MSTO1: variants seen among roughly 807,000 people sequenced by gnomAD.
MSTO1 encodes the protein protein misato homolog 1.
MSTO1 carries 24 observed loss-of-function variants against 55.7 expected under a neutral mutation model. The ratio of observed to expected loss-of-function variants is 0.43; its 90% confidence interval spans 0.31 to 0.61. The LOEUF (loss-of-function observed/expected upper bound fraction) is 0.61, where lower values mean the gene tolerates loss of function less well. Ranked by LOEUF, MSTO1 falls within the 20% of genes least tolerant of loss-of-function variation. MSTO1 has a pLI of 0.09. For missense variants in MSTO1, 363 were observed against 625.7 expected (o/e 0.58, Z 4.48); for synonymous variants, 162 against 252.8 (o/e 0.64, Z 3.41).
chr1:155,575,214 CAA>C, the MSTO1 span, among the ~76,000 whole-genome samples: 1 of 142,166 alleles, frequency 7.0e-6, no homozygotes. Flanking sequence ...CTTTGACCCT[CAA>C]AAAAAAAAAG....
At chr1:155,564,527 A>G in the MSTO1 span, among the ~76,000 whole-genome samples, 5 of 152,102 alleles carry the variant, frequency 3.3e-5, no homozygotes, top group South Asian at 2.1e-4. Context: ...AGCCCTTGCA[A>G]CCTCCAAAAT....
the MSTO1 span, among the ~76,000 whole-genome samples, chr1:155,577,220 C>T: frequency 6.6e-6 from 1 of 151,354 alleles, no homozygotes; most frequent in Non-Finnish European, 1.5e-5. Context: ...TCCGGAGTAG[C>T]TGGGACTACA....
the MSTO1 span, chr1:155,563,390 C>T: frequency 6.6e-6 from 3 of 456,556 alleles, no homozygotes; most frequent in Admixed American, 2.3e-5. Context: ...GACTCCGGAC[C>T]TCCAGGAGGT....
At chr1:155,594,965 C>T in the MSTO1 span, among the ~76,000 whole-genome samples, 2 of 151,924 alleles carry the variant, frequency 1.3e-5, no homozygotes, top group African/African-American at 4.8e-5. Flanking sequence ...GGCGAAACCC[C>T]GTCCCTACTA....
At chr1:155,602,119 C>T in the MSTO1 span, 1 of 710,288 alleles carries the variant, frequency 1.4e-6, no homozygotes, top group Non-Finnish European at 2.7e-6. Flanking sequence ...AGTCCAACTA[C>T]AACAAACAGC....
chr1:155,597,450 C>T, the MSTO1 span, among the ~76,000 whole-genome samples: 5 of 151,496 alleles, frequency 3.3e-5, no homozygotes, highest in African/African-American at 7.3e-5. Flanking sequence ...GCCTGGGCAA[C>T]AAGAGGGAAA....
intron 9 of MSTO1, 35 bp from the exon 10 acceptor site, chr1:155,612,809 T>A (rs3863761): frequency 3.1e-6 from 5 of 1,611,632 alleles, no homozygotes; most frequent in Non-Finnish European, 4.2e-6. Context: ...TTTCCAGGCC[T>A]GAGGCCAAGT....
chr1:155,609,982 G>C (rs975375916), upstream of MSTO1: 6 of 489,478 alleles, frequency 1.2e-5, no homozygotes, highest in African/African-American at 1.2e-4. Flanking sequence ...GGCGGAGACG[G>C]CGCCCACCCC....
the MSTO1 span, among the ~76,000 whole-genome samples, chr1:155,593,476 T>G: frequency 6.6e-6 from 1 of 152,222 alleles, no homozygotes; most frequent in African/African-American, 2.4e-5. Flanking sequence ...CACCATCTAC[T>G]AACTCTGTGA....
At chr1:155,583,222 CTTTT>C in the MSTO1 span, among the ~76,000 whole-genome samples, 1 of 133,908 alleles carries the variant, frequency 7.5e-6, no homozygotes, top group Non-Finnish European at 1.6e-5. Flanking sequence ...GAAGGTATAT[CTTTT>C]TTTTTTTTTT....
At chr1:155,590,979 C>A in the MSTO1 span, 1 of 1,613,954 alleles carries the variant, frequency 6.2e-7, no homozygotes, top group Non-Finnish European at 8.5e-7. Flanking sequence ...GGTAGACCAG[C>A]AAGCCGAACA....
chr1:155,571,433 C>G, the MSTO1 span, among the ~76,000 whole-genome samples: 1 of 152,026 alleles, frequency 6.6e-6, no homozygotes, highest in Admixed American at 6.6e-5. Context: ...ATTGGACACC[C>G]CTGCTGTAGT....
upstream of MSTO1, among the ~76,000 whole-genome samples, chr1:155,606,048 T>G (rs1672928450): frequency 1.3e-5 from 2 of 151,812 alleles, no homozygotes; most frequent in Admixed American, 6.6e-5. Flanking sequence ...TTTTTTTCTT[T>G]TTTTTGACAG....
At chr1:155,586,385 C>T in the MSTO1 span, among the ~76,000 whole-genome samples, 5 of 151,834 alleles carry the variant, frequency 3.3e-5, no homozygotes, top group East Asian at 9.6e-4. Flanking sequence ...CAAATGGTAT[C>T]TCATTTTCAT....
At chr1:155,569,168 C>T in the MSTO1 span, among the ~76,000 whole-genome samples, 10 of 151,942 alleles carry the variant, frequency 6.6e-5, no homozygotes, top group African/African-American at 1.9e-4. Flanking sequence ...CAGAGTCTTG[C>T]ACTGTCACCC....
At chr1:155,588,970 C>A in the MSTO1 span, among the ~76,000 whole-genome samples, 2,307 of 152,182 alleles carry the variant, frequency 0.015, 62 homozygotes, top group African/African-American at 0.053. Context: ...GGGATGGATT[C>A]TGGACTCAAC....
chr1:155,583,097 C>T, the MSTO1 span, among the ~76,000 whole-genome samples: 1 of 151,946 alleles, frequency 6.6e-6, no homozygotes. Context: ...TCTCCAACTC[C>T]TGGCCTCAAA....
chr1:155,581,407 T>TTAG, the MSTO1 span, among the ~76,000 whole-genome samples: 1 of 151,996 alleles, frequency 6.6e-6, no homozygotes, highest in Non-Finnish European at 1.5e-5. Context: ...TTATATTTTA[T>TTAG]TATTATTATT....
chr1:155,612,035 C>A lies in MSTO1; in HGVS notation c.613C>A (p.Pro205Thr), dbSNP rs1158642240. The change falls in exon 7 of 14, where the codon CCC becomes ACC. Residue 205 changes from proline to threonine, a missense_variant. Physicochemically the swap from Pro to Thr is conservative, Grantham distance 38 (BLOSUM62 -1). Around this residue, in one of 3 missense-constraint regions of MSTO1, gnomAD observed 94 missense variants for 212.4 expected, o/e 0.44. Coordinates refer to ENST00000245564, the MANE Select transcript of MSTO1 (RefSeq NM_018116.4). ...CCAAGGGGAAAGTGTCCTAAAGGAACCCAAGTACCAGGAAGAGCTGGAGGA... is the reference window on the plus strand; with the variant it reads ...CCAAGGGGAAAGTGTCCTAAAGGAAACCAAGTACCAGGAAGAGCTGGAGGA... ...FGQGESVLKE[P>T]KYQEELEDRL... is the part of the protein sequence containing the mutation. 1 of 1,597,038 alleles carries A rather than the reference C, an allele frequency of 6.3e-7. No homozygotes were observed. The highest frequency in any genetic ancestry group is 1.7e-5 in the Admixed American group (1 of 57,880).
Sources: gnomAD v4.1 joint callset for allele counts (sites outside exome capture counted in the v4.1 genomes callset) on GRCh38, gnomAD v4.1.1 for gene constraint, gnomAD v4.1.1 regional missense constraint, MANE v1.5 for transcripts, NCBI Gene and HGNC (gene_info 2026-07-23, HGNC 2026-07-21) for gene names.